The following IKBKB-DT variants were observed in gnomAD, a reference collection of about 807,000 sequenced individuals.
IKBKB-DT encodes the protein IKBKB antisense RNA.
chr8:42,268,861 C>A, intron 1 of IKBKB-DT, among the ~76,000 whole-genome samples: 1 of 152,170 alleles, frequency 6.6e-6, no homozygotes, highest in Non-Finnish European at 1.5e-5. Flanking sequence ...GCCACCTCAC[C>A]TGGCCAATAA....
At chr8:42,261,423 C>T (rs1016930939) in intron 3 of IKBKB-DT, among the ~76,000 whole-genome samples, 1 of 152,060 alleles carries the variant, frequency 6.6e-6, no homozygotes, top group Non-Finnish European at 1.5e-5. Flanking sequence ...AGTCATGTCC[C>T]TCTCCCCCTT....
intron 3 of IKBKB-DT, among the ~76,000 whole-genome samples, chr8:42,259,177 C>G (rs1042417547): frequency 4.6e-5 from 7 of 152,100 alleles, no homozygotes; most frequent in Non-Finnish European, 1.5e-5. Context: ...AGGCATGCAC[C>G]ACCATGTCTG....
chr8:42,250,264 T>C (rs886138631), intron 3 of IKBKB-DT, among the ~76,000 whole-genome samples: 3 of 151,904 alleles, frequency 2.0e-5, no homozygotes, highest in African/African-American at 7.3e-5. Flanking sequence ...CACTTCTGGG[T>C]GGGGCCACGG....
rs538719662 is a variant in IKBKB-DT, at chr8:42,267,145, C to T, written n.604-749G>A. Among the ~76,000 whole-genome samples, 42 of 152,044 alleles carry T rather than the reference C, an allele frequency of 2.8e-4. No individual in the cohort carries two copies. In the Middle Eastern group the frequency reaches 0.01, roughly 37 times the overall value. On this transcript the variant is annotated intron_variant and non_coding_transcript_variant, in intron 1 of 3. Transcript: ENST00000518213. ...TCAGCCTCCTGAGTAGCTGGGACTA[C>T]AGGCGCCCGCCACCATGCCTGGCTA... is the stretch of plus-strand genomic sequence containing the variant.
At chr8:42,264,394 A>G (rs1388016874) in intron 2 of IKBKB-DT, among the ~76,000 whole-genome samples, 2 of 151,668 alleles carry the variant, frequency 1.3e-5, no homozygotes, top group African/African-American at 4.8e-5. Context: ...GGGCTCAAGC[A>G]ATCCTCCTGC....
chr8:42,261,002 A>C (rs1029582281), intron 3 of IKBKB-DT, among the ~76,000 whole-genome samples: 8 of 152,174 alleles, frequency 5.3e-5, no homozygotes, highest in African/African-American at 1.9e-4. Context: ...AAGAGCTGGC[A>C]GTGGTTGGTA....
intron 1 of IKBKB-DT, among the ~76,000 whole-genome samples, chr8:42,268,192 T>C (rs1807401644): frequency 6.7e-6 from 1 of 149,612 alleles, no homozygotes; most frequent in African/African-American, 2.5e-5. Context: ...TGGAGTGCAA[T>C]GGCACGATCT....
chr8:42,270,569 G>T (rs1462695928), intron 1 of IKBKB-DT: 1 of 152,200 alleles, frequency 6.6e-6, no homozygotes, highest in African/African-American at 2.4e-5. Context: ...GCACTCTATA[G>T]ATGTGAGCTA....
chr8:42,257,398 A>T (rs1310194328), intron 3 of IKBKB-DT, among the ~76,000 whole-genome samples: 2 of 152,108 alleles, frequency 1.3e-5, no homozygotes, highest in African/African-American at 4.8e-5. Context: ...GCTACTTGGG[A>T]GGCTGAGGCA....
At chr8:42,236,100 C>G (rs1487111454) in intron 3 of IKBKB-DT, among the ~76,000 whole-genome samples, 1 of 151,604 alleles carries the variant, frequency 6.6e-6, no homozygotes, top group Non-Finnish European at 1.5e-5. Flanking sequence ...TGTCATGGAA[C>G]ATTCATATTA....
intron 3 of IKBKB-DT, among the ~76,000 whole-genome samples, chr8:42,251,041 TCG>T (rs1563276419): frequency 3.3e-5 from 5 of 152,106 alleles, no homozygotes; most frequent in African/African-American, 9.7e-5. Context: ...GGTCAGGAGC[TCG>T]AGACCAGCCT....
At chr8:42,241,961 C>A (rs1426169945) in intron 3 of IKBKB-DT, among the ~76,000 whole-genome samples, 1 of 152,192 alleles carries the variant, frequency 6.6e-6, no homozygotes, top group African/African-American at 2.4e-5. Flanking sequence ...CACCTGTAAT[C>A]CCAACAGTTT....
chr8:42,271,220 G>GCGCAGCACT lies in IKBKB-DT; in HGVS notation n.25_33dup, dbSNP rs548430180. 3.0e-4 allele frequency: 190 copies of GCGCAGCACT among 638,066 alleles called. 1 individual carries two copies. The African/African-American group carries it at 3.2e-3, about 11-fold the overall frequency. The allele number at this position is 638,066 out of a possible 1,614,324, so 39.5% of individuals were successfully genotyped here. A position where few individuals can be genotyped will look rare whatever the true frequency, so the allele number is the denominator to read the frequency against. ...CGCCCGGTCGAGGGTCCCGGGACAGGCGCAGCACTCGCAGCATCCGGACCT... is the reference window on the plus strand; with the variant it reads ...CGCCCGGTCGAGGGTCCCGGGACAGGCGCAGCACTCGCAGCACTCGCAGCATCCGGACCT... On this transcript the variant is annotated non_coding_transcript_exon_variant, in exon 1 of 4. Transcript: ENST00000518213.
At chr8:42,242,588 G>A (rs895727872) in intron 3 of IKBKB-DT, among the ~76,000 whole-genome samples, 2 of 152,142 alleles carry the variant, frequency 1.3e-5, no homozygotes, top group African/African-American at 4.8e-5. Context: ...GCTATCTTCT[G>A]CCACCCTGTA....
At chr8:42,239,614 T>TTATATATGTATATATATATATATA (rs1806972378) in intron 3 of IKBKB-DT, among the ~76,000 whole-genome samples, 1 of 19,910 alleles carries the variant, frequency 5.0e-5, no homozygotes. Context: ...AAAAGGCAAT[T>TTATATATGTATATATATATATATA]TATATATATA....
intron 3 of IKBKB-DT, among the ~76,000 whole-genome samples, chr8:42,239,124 G>C (rs1023293369): frequency 6.6e-6 from 1 of 152,040 alleles, no homozygotes; most frequent in Non-Finnish European, 1.5e-5. Context: ...GAGGAAGCAA[G>C]CTAAAACACA....
At chr8:42,250,237 C>A (rs892766042) in intron 3 of IKBKB-DT, among the ~76,000 whole-genome samples, 3 of 151,742 alleles carry the variant, frequency 2.0e-5, no homozygotes, top group African/African-American at 2.4e-5. Context: ...GGGAAATAGT[C>A]CTCCTGGGCA....
At chr8:42,262,715 A>G (rs1023823716) in intron 3 of IKBKB-DT, among the ~76,000 whole-genome samples, 1 of 151,958 alleles carries the variant, frequency 6.6e-6, no homozygotes, top group Non-Finnish European at 1.5e-5. Context: ...CTGGGATTAC[A>G]GGCATGAGCC....
chr8:42,239,220 G>C (rs1806967008), intron 3 of IKBKB-DT, among the ~76,000 whole-genome samples: 1 of 152,038 alleles, frequency 6.6e-6, no homozygotes, highest in Non-Finnish European at 1.5e-5. Flanking sequence ...AGTTCCTTTG[G>C]CTGGAGGCTT....
Sources: allele counts gnomAD v4.1 joint callset (sites outside exome capture counted in the v4.1 genomes callset), GRCh38; gene constraint gnomAD v4.1.1; transcripts MANE v1.5; gene names NCBI Gene and HGNC (gene_info 2026-07-23, HGNC 2026-07-21).